Variants in CEP70 observed in about 807,000 individuals in gnomAD.
CEP70 encodes centrosomal protein of 70 kDa.
In CEP70, 70 loss-of-function variants were observed where a neutral mutation model predicts 90.9. The ratio of observed to expected loss-of-function variants is 0.77; its 90% CI spans 0.64 to 0.94. CEP70 has a LOEUF of 0.94. CEP70 is among the 40% of genes least tolerant of loss of function. The pLI, the probability that CEP70 is intolerant of heterozygous loss-of-function variation, is 0.00. For missense variants in CEP70, 648 were observed against 669.0 expected (o/e 0.97, Z 0.35); for synonymous variants, 220 against 228.3 (o/e 0.96, Z 0.33).
intron 6 of CEP70, among the ~76,000 whole-genome samples, chr3:138,546,693 G>A (rs1275524709): frequency 1.3e-5 from 2 of 152,132 alleles, no homozygotes; most frequent in Admixed American, 6.6e-5. Context: ...AGGTTGCAGT[G>A]AGCCGAGATC....
At chr3:138,559,340 C>A (rs1181417347) in intron 6 of CEP70, among the ~76,000 whole-genome samples, 1 of 152,194 alleles carries the variant, frequency 6.6e-6, no homozygotes, top group African/African-American at 2.4e-5. Context: ...TGTACCCAAA[C>A]TGATGAAAGA....
chr3:138,519,729 T>C (rs2036424636), intron 11 of CEP70, among the ~76,000 whole-genome samples: 2 of 152,270 alleles, frequency 1.3e-5, no homozygotes, highest in East Asian at 1.9e-4. Flanking sequence ...TGCAAAATCA[T>C]GCCAAATTAT....
chr3:138,505,199 A>C, intron 13 of CEP70, 96 bp downstream of exon 13: 1 of 990,264 alleles, frequency 1.0e-6, no homozygotes, highest in Non-Finnish European at 1.4e-6. Flanking sequence ...AAAAAATTAA[A>C]CCCTATTTAA....
Position 138,522,602 on chromosome 3 carries a change from G to A in CEP70, c.944+2888C>T, listed in dbSNP as rs548271982. 6.1e-4 allele frequency among the ~76,000 whole-genome samples: 93 copies of A among 152,212 alleles called. 1 individual carries two copies. The East Asian group carries it at 0.015, about 25-fold the overall frequency. ...CGGAGAATACTATAAACACCTCTAC[G>A]CAAATAAACTAGAAAATCTAGAAGA... On this transcript the variant is annotated intron_variant, in intron 11 of 17. Transcript: ENST00000264982.
chr3:138,565,584 G>A (rs777253074), intron 6 of CEP70, among the ~76,000 whole-genome samples: 1 of 152,130 alleles, frequency 6.6e-6, no homozygotes, highest in African/African-American at 2.4e-5. Flanking sequence ...AACAAGAAAT[G>A]GGGAAAGGAT....
chr3:138,514,909 A>G (rs2035864225), intron 11 of CEP70, among the ~76,000 whole-genome samples: 1 of 152,158 alleles, frequency 6.6e-6, no homozygotes, highest in African/African-American at 2.4e-5. Flanking sequence ...ATGTCTAGAT[A>G]CTACCAAAGT....
chr3:138,549,445 C>T (rs2039460968), intron 6 of CEP70, among the ~76,000 whole-genome samples: 1 of 151,814 alleles, frequency 6.6e-6, no homozygotes, highest in South Asian at 2.1e-4. Flanking sequence ...CTGCTTTCCC[C>T]AACTTCCCTG....
Position 138,530,641 on chromosome 3 carries a change from G to C in CEP70, c.693-1179C>G, listed in dbSNP as rs1461288355. The C allele has an allele frequency of 4.1e-6, 4 of 985,164 alleles. No homozygotes were observed. In the Admixed American group the frequency reaches 2.5e-4, roughly 61 times the overall value. The allele number at this position is 985,164 out of a possible 1,614,324, so 61.0% of individuals were successfully genotyped here. ...TGGTCTTGCTGCTTCAGTTCTACAG[G>C]GTCACAGCTCTTCTCCTCTGCTTCC... On this transcript the variant is annotated intron_variant, in intron 8 of 17. Transcript: ENST00000264982.
At chr3:138,522,020 C>G (rs1234782955) in intron 11 of CEP70, among the ~76,000 whole-genome samples, 7 of 152,184 alleles carry the variant, frequency 4.6e-5, no homozygotes, top group Admixed American at 6.5e-5. Flanking sequence ...GCTGTGTCAA[C>G]TCAGGGTTAA....
intron 8 of CEP70, among the ~76,000 whole-genome samples, chr3:138,532,195 G>C (rs1406691367): frequency 1.3e-5 from 2 of 152,032 alleles, no homozygotes; most frequent in African/African-American, 4.8e-5. Context: ...GCACTTTGCG[G>C]ATATACTTGG....
chr3:138,506,622 A>G (rs2035011434), intron 12 of CEP70, among the ~76,000 whole-genome samples: 1 of 152,202 alleles, frequency 6.6e-6, no homozygotes, highest in African/African-American at 2.4e-5. Flanking sequence ...TTCAAGATAT[A>G]ACTAATAGGC....
chr3:138,521,437 A>T (rs1053976400), intron 11 of CEP70, among the ~76,000 whole-genome samples: 1 of 147,686 alleles, frequency 6.8e-6, no homozygotes, highest in African/African-American at 2.5e-5. Context: ...CTGGGAAGTG[A>T]GGAGTGCCTC....
intron 2 of CEP70, among the ~76,000 whole-genome samples, chr3:138,579,855 A>G (rs1445148416): frequency 6.6e-6 from 1 of 151,950 alleles, no homozygotes; most frequent in Admixed American, 6.5e-5. Flanking sequence ...AGTAAAGAAG[A>G]CTTTCTTGAG....
At chr3:138,574,428 A>C (rs1485433995) in intron 2 of CEP70, among the ~76,000 whole-genome samples, 2 of 152,234 alleles carry the variant, frequency 1.3e-5, no homozygotes, top group Admixed American at 1.3e-4. Context: ...TAGGTAAACA[A>C]AGCGGCAGGA....
intron 2 of CEP70, among the ~76,000 whole-genome samples, chr3:138,587,013 AT>A (rs1406054941): frequency 3.3e-5 from 5 of 152,082 alleles, no homozygotes; most frequent in African/African-American, 4.8e-5. Context: ...ATTAAAAAAA[AT>A]CTCTACAGAC....
chr3:138,499,989 C>G (rs2034339478), intron 16 of CEP70, 121 bp downstream of exon 16: 5 of 717,970 alleles, frequency 7.0e-6, no homozygotes, highest in South Asian at 3.3e-5. Flanking sequence ...TCAGACTGGA[C>G]TTAAACTCCT....
chr3:138,581,167 C>G (rs932692480), intron 2 of CEP70, among the ~76,000 whole-genome samples: 2 of 151,766 alleles, frequency 1.3e-5, no homozygotes, highest in Non-Finnish European at 2.9e-5. Context: ...TGCCAGTAAT[C>G]CCAGCTACTC....
chr3:138,573,747 T>A (rs1200522988), intron 2 of CEP70, among the ~76,000 whole-genome samples: 1 of 152,154 alleles, frequency 6.6e-6, no homozygotes, highest in African/African-American at 2.4e-5. Flanking sequence ...CAGAAATATA[T>A]TAGCTGAGAG....
At chr3:138,498,688 A>G (rs900475548) in intron 16 of CEP70, among the ~76,000 whole-genome samples, 12 of 152,158 alleles carry the variant, frequency 7.9e-5, no homozygotes, top group Non-Finnish European at 1.2e-4. Context: ...GGCTTCTTAG[A>G]TCATGCTTTT....
Sources: gnomAD v4.1 joint callset for allele counts (sites outside exome capture counted in the v4.1 genomes callset) on GRCh38, gnomAD v4.1.1 for gene constraint, MANE v1.5 for transcripts, NCBI Gene and HGNC (gene_info 2026-07-23, HGNC 2026-07-21) for gene names.